SLC4A4: variants seen among roughly 807,000 people sequenced by gnomAD.
SLC4A4 encodes electrogenic sodium bicarbonate cotransporter 1.
In SLC4A4, 27 loss-of-function variants were observed where a neutral mutation model predicts 111.5. The observed-to-expected ratio is 0.24, with a 90% CI of 0.18 to 0.33. The LOEUF (loss-of-function observed/expected upper bound fraction) is 0.33, where lower values mean the gene tolerates loss of function less well. Ranked by LOEUF, SLC4A4 falls within the 10% of genes least tolerant of loss-of-function variation. The pLI is 1.00. For missense variants in SLC4A4, 909 were observed against 1,315.5 expected, an observed-to-expected ratio of 0.69 and a Z score of 4.78; for synonymous variants, 443 against 463.4, an observed-to-expected ratio of 0.96 and a Z score of 0.57.
chr4:71,496,821 A>G (rs1254300989), intron 15 of SLC4A4, among the ~76,000 whole-genome samples: 3 of 152,156 alleles, frequency 2.0e-5, no homozygotes, highest in Non-Finnish European at 2.9e-5. Context: ...TGGATATTCC[A>G]TACACAACTA....
chr4:71,375,978 T>G (rs1427350065), intron 6 of SLC4A4, among the ~76,000 whole-genome samples: 1 of 151,352 alleles, frequency 6.6e-6, no homozygotes. Context: ...CTGAGACCCT[T>G]TCAAAGGGAT....
intron 6 of SLC4A4, among the ~76,000 whole-genome samples, chr4:71,358,186 C>G (rs947641603): frequency 6.6e-6 from 1 of 151,912 alleles, no homozygotes; most frequent in South Asian, 2.1e-4. Flanking sequence ...TGTGGTGGCA[C>G]GCACCTTTGT....
At chr4:71,101,045 G>T (rs992243324) in intron 2 of SLC4A4, among the ~76,000 whole-genome samples, 3 of 152,144 alleles carry the variant, frequency 2.0e-5, no homozygotes, top group East Asian at 3.9e-4. Context: ...GGATCACGAG[G>T]TCAGGAGATT....
At chr4:71,394,611 A>G (rs1719629387) in intron 6 of SLC4A4, among the ~76,000 whole-genome samples, 1 of 152,184 alleles carries the variant, frequency 6.6e-6, no homozygotes, top group South Asian at 2.1e-4. Flanking sequence ...GAAATTCCTT[A>G]AAGAACTAAA....
intron 16 of SLC4A4, among the ~76,000 whole-genome samples, chr4:71,497,945 G>GA (rs759537463): frequency 1.2e-4 from 18 of 151,366 alleles, no homozygotes; most frequent in Admixed American, 7.3e-4. Context: ...GTGCTGAAAG[G>GA]AAAAAAAATG....
chr4:71,440,556 T>C, intron 7 of SLC4A4, 60 bp from the exon 8 acceptor site: 1 of 1,590,172 alleles, frequency 6.3e-7, no homozygotes, highest in Non-Finnish European at 8.6e-7. Context: ...CTGGAACTAA[T>C]AGTAATTCCA....
chr4:71,077,908 T>C (rs1741887814), intron 1 of SLC4A4, among the ~76,000 whole-genome samples: 2 of 152,180 alleles, frequency 1.3e-5, no homozygotes. Flanking sequence ...CTAGCAAATA[T>C]ACCTAATGGC....
At chr4:71,095,281 C>A (rs28708695) in intron 2 of SLC4A4, among the ~76,000 whole-genome samples, 13,942 of 152,178 alleles carry the variant, frequency 0.092, 789 homozygotes, top group African/African-American at 0.16. Context: ...CACATAAGAG[C>A]AGAGATGAGT....
chr4:71,426,002 G>GT (rs1723091391), intron 7 of SLC4A4, among the ~76,000 whole-genome samples: 1 of 152,042 alleles, frequency 6.6e-6, no homozygotes, highest in African/African-American at 2.4e-5. Context: ...AGATAGCTTT[G>GT]TAGGGCCATT....
chr4:71,258,492 G>A (rs1181139074), intron 3 of SLC4A4, among the ~76,000 whole-genome samples: 1 of 152,174 alleles, frequency 6.6e-6, no homozygotes, highest in Non-Finnish European at 1.5e-5. Context: ...CTCCGTGAGA[G>A]CAAAGATCAG....
Position 71,495,881 on chromosome 4 carries a change from C to T in SLC4A4, c.1975-1620C>T, listed in dbSNP as rs1036589455. Among the ~76,000 whole-genome samples the T allele has an allele frequency of 5.3e-5, 8 of 152,070 alleles. No homozygotes were observed. In the South Asian group the frequency reaches 1.0e-3, roughly 20 times the overall value. ...TTAGAATGGTTCTAAGCTGAGACAC[C>T]CAGTCCCTTCCACCCAACCACATTG... is the stretch of plus-strand genomic sequence containing the variant. On this transcript the variant is annotated intron_variant, in intron 15 of 25. Coordinates refer to ENST00000264485, the MANE Select transcript of SLC4A4 (RefSeq NM_001098484.3).
At chr4:71,345,475 T>C (rs1729246540) in intron 4 of SLC4A4, among the ~76,000 whole-genome samples, 1 of 152,154 alleles carries the variant, frequency 6.6e-6, no homozygotes, top group African/African-American at 2.4e-5. Context: ...TAATTCAAAC[T>C]GTGCTGCCAA....
upstream of SLC4A4, among the ~76,000 whole-genome samples, chr4:71,186,057 A>T (rs906007767): frequency 6.6e-6 from 1 of 152,246 alleles, no homozygotes; most frequent in African/African-American, 2.4e-5. Flanking sequence ...CTGTGCTGAC[A>T]GTCTGTTCAT....
chr4:71,370,923 T>G (rs1174995866), intron 6 of SLC4A4, among the ~76,000 whole-genome samples: 1 of 152,164 alleles, frequency 6.6e-6, no homozygotes, highest in African/African-American at 2.4e-5. Flanking sequence ...GAGAAACACA[T>G]TTTAGTAATG....
chr4:71,355,876 T>G (rs1730243832), intron 5 of SLC4A4, among the ~76,000 whole-genome samples: 1 of 152,266 alleles, frequency 6.6e-6, no homozygotes, highest in African/African-American at 2.4e-5. Flanking sequence ...TATTGTTCGT[T>G]TCTTTACATT....
chr4:71,560,740 T>A lies in SLC4A4; in HGVS notation c.3099+486T>A, dbSNP rs184471397. Among the ~76,000 whole-genome samples the A allele has an allele frequency of 4.0e-3, 609 of 151,906 alleles. 5 individuals are homozygous for A. Among genetic ancestry groups the A allele is most frequent in the African/African-American group, 0.014 (582 of 41,526 alleles). Reference sequence around the variant, plus strand: ...AAGTTCTATGCTGTTATATTAATATTAGCATTATATTTATACTGATATGAT... The same window carrying A: ...AAGTTCTATGCTGTTATATTAATATAAGCATTATATTTATACTGATATGAT... On this transcript the variant is annotated intron_variant, in intron 23 of 25. Coordinates refer to ENST00000264485, the MANE Select transcript of SLC4A4 (RefSeq NM_001098484.3).
chr4:71,385,081 C>A (rs1349577183), intron 6 of SLC4A4, among the ~76,000 whole-genome samples: 1 of 149,220 alleles, frequency 6.7e-6, no homozygotes, highest in African/African-American at 2.5e-5. Context: ...ATGTTAGCAT[C>A]CCTACTCTTT....
intron 1 of SLC4A4, among the ~76,000 whole-genome samples, chr4:71,075,836 C>G (rs577945796): frequency 6.6e-6 from 1 of 151,886 alleles, no homozygotes; most frequent in East Asian, 1.9e-4. Flanking sequence ...TGGTGGTGGG[C>G]GCCTGTAGTC....
At chr4:71,375,691 A>G (rs975047706) in intron 6 of SLC4A4, among the ~76,000 whole-genome samples, 1 of 152,152 alleles carries the variant, frequency 6.6e-6, no homozygotes, top group Non-Finnish European at 1.5e-5. Context: ...TGATTCATTT[A>G]GGTATCCTTT....
Sources: allele counts gnomAD v4.1 joint callset (sites outside exome capture counted in the v4.1 genomes callset), GRCh38; gene constraint gnomAD v4.1.1; transcripts MANE v1.5; gene names NCBI Gene and HGNC (gene_info 2026-07-23, HGNC 2026-07-21).